The following DSCAML1 variants were observed in gnomAD, a reference collection of about 807,000 sequenced individuals.
DSCAML1 encodes cell adhesion molecule DSCAML1.
In DSCAML1, 38 loss-of-function variants were observed where a neutral mutation model predicts 200.5. That is an observed-to-expected ratio of 0.19 (90% CI 0.15 to 0.25). The LOEUF (loss-of-function observed/expected upper bound fraction) is 0.25, where lower values mean the gene tolerates loss of function less well. DSCAML1 is among the 10% of genes least tolerant of loss of function. The pLI is 1.00. For synonymous variants in DSCAML1, 1,215 were observed against 1,165.0 expected (o/e 1.04, Z -0.87); for missense variants, 2,223 against 2,858.8 (o/e 0.78, Z 5.07).
intron 3 of DSCAML1, among the ~76,000 whole-genome samples, chr11:117,541,519 C>T (rs1320355608): frequency 6.6e-6 from 1 of 152,188 alleles, no homozygotes; most frequent in Non-Finnish European, 1.5e-5. Context: ...GTGCCCTGTG[C>T]CCTGGTTGTC....
rs768182786 is a variant in DSCAML1, at chr11:117,797,016, C to A, written c.46+18G>T. 25 of 1,431,016 alleles carry A rather than the reference C, an allele frequency of 1.7e-5. No individual in the cohort carries two copies. The highest frequency in any genetic ancestry group is 2.1e-5 in the Non-Finnish European group (23 of 1,084,384). 88.6% of individuals were successfully genotyped at this position (1,431,016 alleles called of 1,614,324 possible). The stretch of plus-strand genomic sequence containing the variant: ...GGCCCCGCCGCCTCCGCCGCCCAGC[C>A]GCCCGCGCAGGTCTCACCTTTGTGT... On this transcript the variant is annotated intron_variant, in intron 1 of 32. Transcript: ENST00000651296.
intron 15 of DSCAML1, 65 bp downstream of exon 15, chr11:117,471,804 C>CACCCCCTT: frequency 1.9e-6 from 3 of 1,550,086 alleles, no homozygotes; most frequent in Admixed American, 1.8e-5. Flanking sequence ...AACAGGATCG[C>CACCCCCTT]TGTAGGCCCC....
In DSCAML1 at chr11:117,599,416, G is replaced by A. The variant is rs533650913; in HGVS notation, c.512-66894C>T. On this transcript the variant is annotated intron_variant, in intron 3 of 32. Transcript: ENST00000651296. ...TATTACTCATTCTCATAGCATTATGGAATAGACACTTCGAAATCTTCTAAT... is the reference window on the plus strand; with the variant it reads ...TATTACTCATTCTCATAGCATTATGAAATAGACACTTCGAAATCTTCTAAT... Among the ~76,000 whole-genome samples, 3 of 152,242 alleles carry A rather than the reference G, an allele frequency of 2.0e-5. No homozygotes were observed. The South Asian group carries it at 6.2e-4, about 32-fold the overall frequency.
rs534046321 is a variant in DSCAML1 at position 117,686,716 on chromosome 11, G to A, written c.511+90075C>T. Among the ~76,000 whole-genome samples the A allele has an allele frequency of 9.2e-5, 14 of 152,316 alleles. No individual in the cohort carries two copies. In the South Asian group the frequency reaches 2.9e-3, roughly 32 times the overall value. ...TAAGGAAGAGGCAGGCACATGCCTGGGAGCGGGAGAAAGAGGCAGAGGGGT... is the reference window on the plus strand; with the variant it reads ...TAAGGAAGAGGCAGGCACATGCCTGAGAGCGGGAGAAAGAGGCAGAGGGGT... On this transcript the variant is annotated intron_variant, in intron 3 of 32. Transcript: ENST00000651296.
chr11:117,523,490 C>T (rs1565763767), intron 5 of DSCAML1, among the ~76,000 whole-genome samples: 1 of 152,204 alleles, frequency 6.6e-6, no homozygotes, highest in Non-Finnish European at 1.5e-5. Flanking sequence ...AGCATTTGCA[C>T]CGTGCACTGC....
intron 3 of DSCAML1, among the ~76,000 whole-genome samples, chr11:117,740,812 T>C (rs2054408094): frequency 6.6e-6 from 1 of 152,248 alleles, no homozygotes; most frequent in Non-Finnish European, 1.5e-5. Context: ...CACAGATTTG[T>C]TGCTGCACAC....
At chr11:117,438,110 G>C (rs371650956) in intron 24 of DSCAML1, 27 bp from the exon 25 acceptor site, 30 of 1,586,330 alleles carry the variant, frequency 1.9e-5, no homozygotes, top group African/African-American at 4.0e-5. Context: ...TGATTCAGGT[G>C]GGGGCAGGGC....
intron 3 of DSCAML1, among the ~76,000 whole-genome samples, chr11:117,724,507 C>T (rs1287698549): frequency 6.6e-6 from 1 of 152,194 alleles, no homozygotes; most frequent in African/African-American, 2.4e-5. Context: ...AGATCCCCAG[C>T]CCTCTTGCTA....
intron 4 of DSCAML1, among the ~76,000 whole-genome samples, chr11:117,525,391 A>G (rs1266670833): frequency 6.6e-6 from 1 of 152,076 alleles, no homozygotes; most frequent in Non-Finnish European, 1.5e-5. Flanking sequence ...AGAAGGCGGA[A>G]GAGAGCAAGA....
intron 11 of DSCAML1, among the ~76,000 whole-genome samples, chr11:117,496,263 C>G (rs1204239872): frequency 1.3e-5 from 2 of 152,202 alleles, no homozygotes; most frequent in African/African-American, 2.4e-5. Flanking sequence ...GTGCTTCAAT[C>G]TTGCCTTTCT....
intron 3 of DSCAML1, among the ~76,000 whole-genome samples, chr11:117,691,245 C>T (rs925826631): frequency 6.6e-6 from 1 of 152,112 alleles, no homozygotes; most frequent in East Asian, 1.9e-4. Context: ...GGAGATGGAC[C>T]TCCCTGAAAA....
intron 3 of DSCAML1, among the ~76,000 whole-genome samples, chr11:117,602,385 G>C (rs2051482459): frequency 6.6e-6 from 1 of 152,154 alleles, no homozygotes; most frequent in Admixed American, 6.5e-5. Context: ...TTTAGAGACT[G>C]GGTCTCACTG....
At chr11:117,720,745 G>T (rs1312139057) in intron 3 of DSCAML1, among the ~76,000 whole-genome samples, 3 of 152,212 alleles carry the variant, frequency 2.0e-5, no homozygotes, top group Non-Finnish European at 4.4e-5. Flanking sequence ...AGCAATAGTG[G>T]TGCTTGGCTT....
chr11:117,771,378 A>T (rs2055037304), intron 3 of DSCAML1, among the ~76,000 whole-genome samples: 2 of 152,180 alleles, frequency 1.3e-5, no homozygotes, highest in African/African-American at 4.8e-5. Flanking sequence ...GGGGCCAAAA[A>T]CAGAGCCAGC....
intron 3 of DSCAML1, among the ~76,000 whole-genome samples, chr11:117,540,768 C>A (rs1364136713): frequency 6.6e-6 from 1 of 152,010 alleles, no homozygotes; most frequent in East Asian, 1.9e-4. Flanking sequence ...GTGCAGCAAA[C>A]CAACATGGCA....
intron 3 of DSCAML1, among the ~76,000 whole-genome samples, chr11:117,553,389 G>T (rs1406321529): frequency 6.6e-6 from 1 of 152,186 alleles, no homozygotes; most frequent in Non-Finnish European, 1.5e-5. Context: ...TCATATCTCT[G>T]ATAAGGGGTT....
chr11:117,702,106 C>A (rs773098164), intron 3 of DSCAML1, among the ~76,000 whole-genome samples: 3 of 152,220 alleles, frequency 2.0e-5, no homozygotes, highest in African/African-American at 7.2e-5. Context: ...CTCTTCCCTG[C>A]GTGGCTCCCC....
At chr11:117,806,403 C>T (rs946746310) in intron 1 of DSCAML1, among the ~76,000 whole-genome samples, 1 of 152,172 alleles carries the variant, frequency 6.6e-6, no homozygotes, top group African/African-American at 2.4e-5. Context: ...AGAGCTGTGT[C>T]CTCAAAGACT....
At chr11:117,794,354 A>G (rs1360956419) in intron 1 of DSCAML1, among the ~76,000 whole-genome samples, 1 of 152,160 alleles carries the variant, frequency 6.6e-6, no homozygotes, top group African/African-American at 2.4e-5. Context: ...TTGTTTTGGC[A>G]ATAATAAGGC....
Sources: allele counts gnomAD v4.1 joint callset (sites outside exome capture counted in the v4.1 genomes callset), GRCh38; gene constraint gnomAD v4.1.1; transcripts MANE v1.5; gene names NCBI Gene and HGNC (gene_info 2026-07-23, HGNC 2026-07-21).